The following CSMD3 variants were observed in gnomAD, a reference collection of about 807,000 sequenced individuals.
The protein encoded by CSMD3 is CUB and Sushi multiple domains 3.
CSMD3 carries 177 observed loss-of-function variants against 435.2 expected under a neutral mutation model. That is an observed-to-expected ratio of 0.41 (90% CI 0.36 to 0.46). The LOEUF (loss-of-function observed/expected upper bound fraction) is 0.46, where lower values mean the gene tolerates loss of function less well. Ranked by LOEUF, CSMD3 falls within the 20% of genes least tolerant of loss-of-function variation. The pLI is 0.34. For missense variants in CSMD3, 4,265 were observed against 4,504.6 expected (o/e 0.95, Z 1.52); for synonymous variants, 1,656 against 1,520.5 (o/e 1.09, Z -2.07).
Position 112,314,511 on chromosome 8 carries a change from T to C in CSMD3, c.7467A>G (p.Ser2489=), listed in dbSNP as rs144968837. 27 of 1,612,226 alleles carry C rather than the reference T, an allele frequency of 1.7e-5. No homozygotes were observed. The African/African-American group carries it at 3.1e-4, about 18-fold the overall frequency. Reference sequence around the variant, plus strand: ...TGGTGATATTATAACCCTTTTCCACTGAAATGCTCCATGCACACATTTGAA... The same window carrying C: ...TGGTGATATTATAACCCTTTTCCACCGAAATGCTCCATGCACACATTTGAA... ...PNLQMCAWSI[S]VEKGYNITMF... is the part of the protein sequence containing the mutation. The change falls in exon 48 of 71, where the codon TCA becomes TCG. Residue 2489 remains serine, a synonymous_variant. Transcript: ENST00000297405.
chr8:112,398,848 G>A (rs1041828334), intron 35 of CSMD3, among the ~76,000 whole-genome samples: 1 of 151,972 alleles, frequency 6.6e-6, no homozygotes, highest in Non-Finnish European at 1.5e-5. Flanking sequence ...TTGTATTGAT[G>A]AATAGCTTCT....
At chr8:112,505,680 G>GTT (rs141045960) in intron 29 of CSMD3, among the ~76,000 whole-genome samples, 1 of 151,280 alleles carries the variant, frequency 6.6e-6, no homozygotes, top group African/African-American at 2.4e-5. Flanking sequence ...TAGTTATTAC[G>GTT]TTTTTTTTCT....
intron 13 of CSMD3, among the ~76,000 whole-genome samples, chr8:112,775,938 G>A (rs377083134): frequency 6.6e-6 from 1 of 151,558 alleles, no homozygotes; most frequent in African/African-American, 2.4e-5. Flanking sequence ...ACAATAATTA[G>A]GTCAGTATTT....
intron 32 of CSMD3, among the ~76,000 whole-genome samples, chr8:112,457,872 G>A (rs1817000124): frequency 6.6e-6 from 1 of 151,980 alleles, no homozygotes; most frequent in Admixed American, 6.6e-5. Context: ...TCCAAGAATG[G>A]AGGAGTGATC....
intron 20 of CSMD3, among the ~76,000 whole-genome samples, chr8:112,639,858 G>A (rs1466422369): frequency 2.0e-5 from 3 of 152,048 alleles, no homozygotes; most frequent in Non-Finnish European, 2.9e-5. Context: ...AGTCGTTTGC[G>A]TTTTACCACA....
At chr8:113,309,067 G>A (rs906011909) in intron 2 of CSMD3, 1 of 152,310 alleles carries the variant, frequency 6.6e-6, no homozygotes, top group East Asian at 1.9e-4. Flanking sequence ...TCCCACCTCA[G>A]CCTCCAGAGT....
chr8:112,252,654 G>C (rs922544614), intron 63 of CSMD3, among the ~76,000 whole-genome samples: 2 of 142,966 alleles, frequency 1.4e-5, no homozygotes, highest in African/African-American at 5.2e-5. Flanking sequence ...TACAGATTTA[G>C]TTAACAGATT....
At chr8:113,155,352 C>T (rs2091909714) in intron 4 of CSMD3, among the ~76,000 whole-genome samples, 2 of 152,132 alleles carry the variant, frequency 1.3e-5, no homozygotes, top group South Asian at 2.1e-4. Context: ...CCAAGTATAA[C>T]GCTTGACATA....
chr8:113,222,129 A>G (rs990560856), intron 3 of CSMD3, among the ~76,000 whole-genome samples: 13 of 151,318 alleles, frequency 8.6e-5, no homozygotes, highest in African/African-American at 3.1e-4. Flanking sequence ...AGATTTTTAA[A>G]CAGTTTTCTA....
At position 112,987,582 on chromosome 8, in the gene CSMD3, A is replaced by G. The variant is rs543836590; in HGVS notation, c.1031-11434T>C. On this transcript the variant is annotated intron_variant, in intron 6 of 70. Transcript: ENST00000297405. ...AAAACATACACTGAGTCACATAGCT[A>G]TAACTGGCACAGCTAAAAGATGGAC... 3.3e-5 allele frequency among the ~76,000 whole-genome samples: 5 copies of G among 152,264 alleles called. No individual in the cohort carries two copies. In the East Asian group the frequency reaches 9.7e-4, roughly 29 times the overall value.
chr8:112,862,998 A>C (rs231325), intron 10 of CSMD3, among the ~76,000 whole-genome samples: 145,340 of 152,060 alleles, frequency 0.96, 69,478 homozygotes, highest in South Asian at 0.99. Flanking sequence ...TAACAGAAGT[A>C]TTTATTGTTG....
At chr8:112,422,231 A>G (rs1812595019) in intron 32 of CSMD3, among the ~76,000 whole-genome samples, 1 of 152,136 alleles carries the variant, frequency 6.6e-6, no homozygotes, top group African/African-American at 2.4e-5. Context: ...AGATGGGGGA[A>G]ATATTTTATA....
chr8:113,046,120 C>A (rs1340969517), intron 5 of CSMD3, among the ~76,000 whole-genome samples: 2 of 149,244 alleles, frequency 1.3e-5, no homozygotes, highest in South Asian at 2.1e-4. Context: ...GCCTGGCAAG[C>A]GCTTCCACTA....
intron 27 of CSMD3, among the ~76,000 whole-genome samples, chr8:112,521,966 G>A (rs11784468): frequency 0.32 from 48,873 of 151,272 alleles, 8,008 homozygotes; most frequent in East Asian, 0.47. Context: ...GGTAAAAATC[G>A]TTGACATAAG....
intron 1 of CSMD3, among the ~76,000 whole-genome samples, chr8:113,352,642 G>C (rs2094197663): frequency 6.6e-6 from 1 of 152,142 alleles, no homozygotes; most frequent in Admixed American, 6.6e-5. Flanking sequence ...CTCTTTAGGA[G>C]ATGACATTTT....
At chr8:113,044,045 A>G (rs1379060170) in intron 5 of CSMD3, among the ~76,000 whole-genome samples, 2 of 152,082 alleles carry the variant, frequency 1.3e-5, no homozygotes, top group Non-Finnish European at 2.9e-5. Context: ...GGTTTTATAA[A>G]TCAATAAAAT....
intron 20 of CSMD3, among the ~76,000 whole-genome samples, chr8:112,640,088 T>C (rs982481139): frequency 2.6e-5 from 4 of 152,140 alleles, no homozygotes; most frequent in Non-Finnish European, 5.9e-5. Context: ...TGGGGCTTTT[T>C]AATTTGTTCC....
At chr8:113,237,789 G>T (rs1312495904) in intron 3 of CSMD3, among the ~76,000 whole-genome samples, 1 of 152,074 alleles carries the variant, frequency 6.6e-6, no homozygotes, top group Non-Finnish European at 1.5e-5. Flanking sequence ...ATCAAAGGGA[G>T]TTCTGGGCCG....
At chr8:112,983,260 C>T (rs1247880147) in intron 6 of CSMD3, among the ~76,000 whole-genome samples, 1 of 151,782 alleles carries the variant, frequency 6.6e-6, no homozygotes, top group Non-Finnish European at 1.5e-5. Context: ...ACCTTCACTA[C>T]CTGAATGTAT....
Sources: allele counts gnomAD v4.1 joint callset (sites outside exome capture counted in the v4.1 genomes callset), GRCh38; gene constraint gnomAD v4.1.1; transcripts MANE v1.5; gene names NCBI Gene and HGNC (gene_info 2026-07-23, HGNC 2026-07-21).